The following PLCG2 variants were observed in gnomAD, a reference collection of about 807,000 sequenced individuals.
PLCG2 encodes the protein 1-phosphatidylinositol 4,5-bisphosphate phosphodiesterase gamma-2.
In PLCG2, 69 loss-of-function variants were observed where a neutral mutation model predicts 175.6. That is an observed-to-expected ratio of 0.39 (90% CI 0.32 to 0.48). The LOEUF (loss-of-function observed/expected upper bound fraction) is 0.48, where lower values mean the gene tolerates loss of function less well. Among genes scored for constraint, PLCG2 ranks in the 20% least tolerant of loss-of-function variants. The pLI is 0.91. For synonymous variants in PLCG2, 827 were observed against 624.0 expected, an observed-to-expected ratio of 1.33 and a Z score of -4.85; for missense variants, 1,798 against 1,650.9, an observed-to-expected ratio of 1.09 and a Z score of -1.54.
At chr16:81,753,160 C>G (rs1432756808) in intron 1 of PLCG2, among the ~76,000 whole-genome samples, 1 of 152,086 alleles carries the variant, frequency 6.6e-6, no homozygotes, top group Non-Finnish European at 1.5e-5. Context: ...CCCCCTCGGC[C>G]CTGCCTCTCC....
intron 2 of PLCG2, among the ~76,000 whole-genome samples, chr16:81,847,911 C>T (rs969925665): frequency 8.5e-5 from 13 of 152,126 alleles, no homozygotes; most frequent in South Asian, 8.3e-4. Context: ...GAACCGATCC[C>T]CAACAGTCAC....
intron 2 of PLCG2, among the ~76,000 whole-genome samples, chr16:81,841,276 G>A (rs927003251): frequency 4.6e-5 from 7 of 151,298 alleles, no homozygotes; most frequent in Admixed American, 3.3e-4. Context: ...TCACTGAGTC[G>A]CCTAGGCTGG....
intron 2 of PLCG2, among the ~76,000 whole-genome samples, chr16:81,802,262 G>A (rs1182990959): frequency 6.6e-6 from 1 of 151,538 alleles, no homozygotes; most frequent in South Asian, 2.1e-4. Flanking sequence ...ACAGGCGCCC[G>A]CCACCGCGCC....
intron 28 of PLCG2, among the ~76,000 whole-genome samples, chr16:81,938,125 C>A (rs561984743): frequency 5.8e-4 from 88 of 152,304 alleles, no homozygotes; most frequent in African/African-American, 2.1e-3. Flanking sequence ...AAACCCACTT[C>A]CCCTTGTCCT....
At position 81,750,663 on chromosome 16, in the gene PLCG2, A is replaced by ATTT. The variant is rs543220131; in HGVS notation, c.-144-5187_-144-5185dup. On this transcript the variant is annotated intron_variant, in intron 1 of 5. Transcript: ENST00000565054. Reference sequence around the variant, plus strand: ...TTAAAAAGCAGAATGGGGACTGGAGATTTTTTTTTTTTTTTTTTTTTTGAG... The same window carrying ATTT: ...TTAAAAAGCAGAATGGGGACTGGAGATTTTTTTTTTTTTTTTTTTTTTTTTGAG... Among the ~76,000 whole-genome samples the ATTT allele has an allele frequency of 3.2e-4, 22 of 68,458 alleles. 3 individuals carry two copies. The highest frequency in any genetic ancestry group is 6.5e-4 in the African/African-American group (13 of 19,858). 44.9% of individuals were successfully genotyped at this position (68,458 alleles called of 152,430 possible).
Position 81,878,429 on chromosome 16 carries a change from A to T in PLCG2, c.649-2481A>T, listed in dbSNP as rs58297070. On this transcript the variant is annotated intron_variant, in intron 7 of 32. Coordinates refer to ENST00000564138, the MANE Select transcript of PLCG2 (RefSeq NM_002661.5). ...GGGTACTGGGTATTAGGACTTGGAC[A>T]TATATTCCCGGGGACACCATCCTAT... 1.0e-2 allele frequency among the ~76,000 whole-genome samples: 1,521 copies of T among 152,296 alleles called. 32 individuals carry two copies. The highest frequency in any genetic ancestry group is 0.035 in the African/African-American group (1,446 of 41,548).
At chr16:81,861,912 A>C (rs921690453) in intron 5 of PLCG2, among the ~76,000 whole-genome samples, 2 of 152,178 alleles carry the variant, frequency 1.3e-5, no homozygotes, top group African/African-American at 4.8e-5. Context: ...GACCCTCTGC[A>C]GAGAGAAACT....
At chr16:81,786,428 C>T (rs1484773556) in intron 2 of PLCG2, among the ~76,000 whole-genome samples, 6 of 152,188 alleles carry the variant, frequency 3.9e-5, no homozygotes, top group African/African-American at 1.4e-4. Flanking sequence ...ATGGAAATGG[C>T]ATTCAGGCAG....
At chr16:81,834,349 T>A (rs920604774) in intron 2 of PLCG2, among the ~76,000 whole-genome samples, 4 of 152,112 alleles carry the variant, frequency 2.6e-5, no homozygotes, top group Admixed American at 1.3e-4. Context: ...GGCAGAATTG[T>A]GAGGGCGGTC....
At position 81,910,585 on chromosome 16, in the gene PLCG2, A is replaced by G. The variant is rs1909576451; in HGVS notation, c.1799A>G (p.Tyr600Cys). The change falls in exon 18 of 33, where the codon TAC (tyrosine) becomes TGC (cysteine). Residue 600 changes from tyrosine to cysteine, a missense_variant. Transcript: ENST00000564138. ...ATGGAGGGCGGGACCCTGAAATACT[A>G]CTTGACTGACAACCTCACCTTCAGC... is the stretch of plus-strand genomic sequence containing the variant. The part of the protein sequence containing the change: ...STMEGGTLKY[Y>C]LTDNLTFSSI... 5.6e-6 allele frequency: 9 copies of G among 1,614,002 alleles called. No homozygotes were observed. The highest frequency in any genetic ancestry group is 1.1e-5 in the South Asian group (1 of 91,090).
chr16:81,795,939 C>A (rs1911450756), intron 2 of PLCG2, among the ~76,000 whole-genome samples: 1 of 152,220 alleles, frequency 6.6e-6, no homozygotes, highest in African/African-American at 2.4e-5. Context: ...GCCCTAGCCG[C>A]ATGCTAGAAG....
chr16:81,859,018 C>A (rs1163966357), intron 4 of PLCG2, 98 bp from the exon 5 acceptor site: 2 of 710,670 alleles, frequency 2.8e-6, no homozygotes, highest in Admixed American at 4.7e-5. Context: ...CCTTTTGGTT[C>A]CAGTTCCTTT....
rs553303850 is a variant in PLCG2, at chr16:81,938,378, G to C, written c.3199-423G>C. 9.6e-5 allele frequency: 19 copies of C among 198,708 alleles called. No homozygotes were observed. In the South Asian group the frequency reaches 2.8e-3, roughly 29 times the overall value. The allele number at this position is 198,708 out of a possible 1,614,324, so 12.3% of individuals were successfully genotyped here. On this transcript the variant is annotated intron_variant, in intron 28 of 32. Coordinates refer to ENST00000564138, the MANE Select transcript of PLCG2 (RefSeq NM_002661.5). ...ATTTCTCCTAAGGTTAAGGGCGGGC[G>C]GGTGGTAGGGGGAAGAAGCATACGT... is the stretch of plus-strand genomic sequence containing the variant.
intron 1 of PLCG2, among the ~76,000 whole-genome samples, chr16:81,745,958 G>A (rs1013738918): frequency 2.0e-5 from 3 of 152,220 alleles, no homozygotes; most frequent in Non-Finnish European, 2.9e-5. Flanking sequence ...CCCATTCAGA[G>A]GTGCGTCCTT....
rs369514332 is a variant in PLCG2, at chr16:81,910,091, T to TTTG, written c.1734-413_1734-411dup. Among the ~76,000 whole-genome samples, 689 of 151,822 alleles carry TTTG rather than the reference T, an allele frequency of 4.5e-3. 9 individuals carry two copies. Among genetic ancestry groups the TTTG allele is most frequent in the African/African-American group, 0.016 (655 of 41,370 alleles). On this transcript the variant is annotated intron_variant, in intron 17 of 32. Coordinates refer to ENST00000564138, the MANE Select transcript of PLCG2 (RefSeq NM_002661.5). ...CCTATACTAAGGCCCTGCATCTGGT[T>TTTG]TTGTTGTTGTTGTTGTTGAGATGGA...
intron 24 of PLCG2, among the ~76,000 whole-genome samples, chr16:81,929,592 C>T (rs924243272): frequency 6.6e-5 from 10 of 152,290 alleles, no homozygotes; most frequent in Non-Finnish European, 1.3e-4. Context: ...GCTAGGGTTT[C>T]GCCATGTGGG....
At chr16:81,901,973 A>G (rs1909171131) in intron 14 of PLCG2, among the ~76,000 whole-genome samples, 1 of 152,226 alleles carries the variant, frequency 6.6e-6, no homozygotes, top group African/African-American at 2.4e-5. Context: ...TTACACAAAA[A>G]CGGTGAAGGG....
At chr16:81,873,198 G>A (rs149195991) in intron 7 of PLCG2, among the ~76,000 whole-genome samples, 2 of 152,352 alleles carry the variant, frequency 1.3e-5, no homozygotes, top group Non-Finnish European at 2.9e-5. Flanking sequence ...GTTGGGGGAA[G>A]CCATCTCTGT....
intron 2 of PLCG2, among the ~76,000 whole-genome samples, chr16:81,791,056 T>A (rs9923424): frequency 2.0e-5 from 3 of 152,178 alleles, no homozygotes; most frequent in Non-Finnish European, 4.4e-5. Context: ...TTGGATGGAA[T>A]TTTCTCATTT....
Sources: allele counts gnomAD v4.1 joint callset (sites outside exome capture counted in the v4.1 genomes callset), GRCh38; gene constraint gnomAD v4.1.1; transcripts MANE v1.5; gene names NCBI Gene and HGNC (gene_info 2026-07-23, HGNC 2026-07-21).